The following PDE6C variants were observed in gnomAD, a reference collection of about 807,000 sequenced individuals.
PDE6C encodes phosphodiesterase 6C.
PDE6C carries 75 observed loss-of-function variants against 113.1 expected under a neutral mutation model. That is an observed-to-expected ratio of 0.66 (90% confidence interval 0.55 to 0.80). The LOEUF is 0.80. Ranked by LOEUF, PDE6C falls within the 30% of genes least tolerant of loss-of-function variation. PDE6C has a pLI of 0.00. For synonymous variants in PDE6C, 375 were observed against 363.7 expected (o/e 1.03, Z -0.35); for missense variants, 912 against 1,038.6 (o/e 0.88, Z 1.67).
At position 93,613,045 on chromosome 10, in the gene PDE6C, T is replaced by C. The variant is rs764217729; in HGVS notation, c.320T>C (p.Ile107Thr). The change falls in exon 1 of 22, where the codon ATA (isoleucine) becomes ACA (threonine). Residue 107 changes from isoleucine (I) to threonine (T), a missense_variant. Ile to Thr is a moderately conservative substitution (Grantham distance 89). Transcript: ENST00000371447. ...SMFLCRSRNG[I>T]PEVASRLLDV... ...TTCCTGTGCCGGTCCCGGAACGGCA[T>C]ACCTGAGGTGGCCTCTAGGTTGCTG... 13 of 1,614,082 alleles carry C rather than the reference T, an allele frequency of 8.1e-6. No homozygotes were observed. The South Asian group carries it at 9.9e-5, about 12-fold the overall frequency.
At chr10:93,645,652 GTTTT>G (rs1414648984) in intron 14 of PDE6C, among the ~76,000 whole-genome samples, 1 of 151,986 alleles carries the variant, frequency 6.6e-6, no homozygotes, top group African/African-American at 2.4e-5. Context: ...TTTGCTATAT[GTTTT>G]ATAAGTCATA....
At position 93,640,983 on chromosome 10, in the gene PDE6C, T is replaced by C; in HGVS notation, c.1801T>C (p.Cys601Arg). The change falls in exon 14 of 22, where the codon TGC becomes CGC. Residue 601 changes from cysteine to arginine, a missense_variant. Transcript: ENST00000371447. ...EAFAMLAAAF[C>R]HDIDHRGTNN... is the part of the protein sequence containing the mutation. ...CTTTGCCATGCTTGCTGCTGCTTTC[T>C]GCCATGATATTGACCACAGAGGCAC... The C allele has an allele frequency of 1.2e-6, 2 of 1,613,202 alleles. No homozygotes were observed. The highest frequency in any genetic ancestry group is 1.7e-6 in the Non-Finnish European group (2 of 1,179,172).
At chr10:93,642,320 C>T (rs569419942) in intron 14 of PDE6C, among the ~76,000 whole-genome samples, 108 of 152,072 alleles carry the variant, frequency 7.1e-4, no homozygotes, top group African/African-American at 2.4e-3. Context: ...GCTGAGGTCA[C>T]GCCACTGCAC....
At chr10:93,642,003 TG>T (rs560669722) in intron 14 of PDE6C, among the ~76,000 whole-genome samples, 18 of 152,334 alleles carry the variant, frequency 1.2e-4, no homozygotes, top group African/African-American at 4.1e-4. Flanking sequence ...ATAAGGTTGT[TG>T]TAAAGATTAA....
At chr10:93,658,186 A>AG (rs1303648749) in intron 16 of PDE6C, among the ~76,000 whole-genome samples, 4 of 144,872 alleles carry the variant, frequency 2.8e-5, no homozygotes, top group African/African-American at 5.2e-5. Flanking sequence ...AAAAAAAAAA[A>AG]AAAAAAGAAA....
rs1195896139 is a variant in PDE6C, at chr10:93,645,304, T to A, written c.1848-656T>A. On this transcript the variant is annotated intron_variant, in intron 14 of 21. Coordinates refer to ENST00000371447, the MANE Select transcript of PDE6C (RefSeq NM_006204.4). ...GGCAATGACCTCTCCCAGCCTAAAGTTTTGTTCTCCATGAAATAAATAAAG... is the reference window on the plus strand; with the variant it reads ...GGCAATGACCTCTCCCAGCCTAAAGATTTGTTCTCCATGAAATAAATAAAG... Among the ~76,000 whole-genome samples, 4 of 152,308 alleles carry A rather than the reference T, an allele frequency of 2.6e-5. No homozygotes were observed. The East Asian group carries it at 7.7e-4, about 29-fold the overall frequency.
intron 14 of PDE6C, among the ~76,000 whole-genome samples, chr10:93,642,506 A>G (rs1055805077): frequency 2.0e-5 from 3 of 150,122 alleles, no homozygotes; most frequent in Non-Finnish European, 4.5e-5. Context: ...TATCTGCCTT[A>G]GCCACACTTC....
chr10:93,663,689 A>ACG (rs2058677092), intron 21 of PDE6C, among the ~76,000 whole-genome samples: 1 of 125,130 alleles, frequency 8.0e-6, no homozygotes, highest in African/African-American at 2.8e-5. Context: ...CAAATGTCTC[A>ACG]TTGGGAGATG....
intron 7 of PDE6C, among the ~76,000 whole-genome samples, chr10:93,628,100 C>T (rs7080650): frequency 0.16 from 23,896 of 152,126 alleles, 2,770 homozygotes; most frequent in African/African-American, 0.33. Context: ...TGGAAATTGG[C>T]AACTGATACA....
chr10:93,618,388 A>G lies in PDE6C; in HGVS notation c.481-2244A>G, dbSNP rs1564795429. On this transcript the variant is annotated intron_variant, in intron 1 of 21. Coordinates refer to ENST00000371447, the MANE Select transcript of PDE6C (RefSeq NM_006204.4). ...ATTACCCCTATTTTCAGATTACAAAACGAGGACACAGAAGGTAAGTAACAC... is the reference window on the plus strand; with the variant it reads ...ATTACCCCTATTTTCAGATTACAAAGCGAGGACACAGAAGGTAAGTAACAC... Among the ~76,000 whole-genome samples the G allele has an allele frequency of 6.6e-5, 10 of 152,246 alleles. No homozygotes were observed. In the South Asian group the frequency reaches 1.9e-3, roughly 29 times the overall value.
At chr10:93,639,973 T>C in intron 11 of PDE6C, 97 bp from the exon 12 acceptor site, 1 of 1,240,324 alleles carries the variant, frequency 8.1e-7, no homozygotes, top group South Asian at 1.2e-5. Flanking sequence ...ATTGTGTTCT[T>C]TTATTGTAAT....
At chr10:93,664,242 T>C (rs2058679851) in intron 21 of PDE6C, among the ~76,000 whole-genome samples, 1 of 152,210 alleles carries the variant, frequency 6.6e-6, no homozygotes, top group South Asian at 2.1e-4. Flanking sequence ...AAGAAGGCAC[T>C]AGTGTGCACA....
chr10:93,659,007 A>C lies in PDE6C; in HGVS notation c.2143A>C (p.Met715Leu). 1 of 1,583,476 alleles carries C rather than the reference A, an allele frequency of 6.3e-7. No homozygotes were observed. The highest frequency in any genetic ancestry group is 8.7e-7 in the Non-Finnish European group (1 of 1,152,282). Residue 715 changes from methionine (M) to leucine (L), a missense_variant and splice_region_variant, in exon 17 of 22, where the codon ATG becomes CTG. Transcript: ENST00000371447. ...TVDPTKKEII[M>L]AMMMTACDLS... is the part of the protein sequence containing the mutation. ...TGATCCAACCAAGAAAGAGATTATC[A>C]TGTAGGTAGTTGAAATTGTATTTCT...
At chr10:93,616,125 G>C (rs570308292) in intron 1 of PDE6C, among the ~76,000 whole-genome samples, 4 of 152,326 alleles carry the variant, frequency 2.6e-5, no homozygotes, top group Admixed American at 1.3e-4. Context: ...TCTGACAAGG[G>C]TCATATTTTT....
Position 93,640,424 on chromosome 10 carries a change from G to A in PDE6C, c.1630-26G>A, listed in dbSNP as rs774914165. On this transcript the variant is annotated intron_variant, in intron 12 of 21. Coordinates refer to ENST00000371447, the MANE Select transcript of PDE6C (RefSeq NM_006204.4). ...CTAACCTTTAGAATTCTATTCCAAA[G>A]TCTGAATGGTGTCATCTTCTTTTAG... 1.1e-5 allele frequency: 17 copies of A among 1,538,348 alleles called. No individual in the cohort carries two copies. In the East Asian group the frequency reaches 3.1e-4, roughly 28 times the overall value.
At chr10:93,640,257 G>A (rs779354504) in intron 12 of PDE6C, 41 bp downstream of exon 12, 3 of 1,574,740 alleles carry the variant, frequency 1.9e-6, no homozygotes, top group Non-Finnish European at 2.6e-6. Flanking sequence ...TGATTCTGTG[G>A]CTCTGCTTCA....
intron 15 of PDE6C, among the ~76,000 whole-genome samples, chr10:93,654,214 C>A (rs1326719213): frequency 6.6e-6 from 1 of 152,172 alleles, no homozygotes; most frequent in Non-Finnish European, 1.5e-5. Flanking sequence ...TGTTATTATG[C>A]CCATATGAGA....
chr10:93,643,127 G>A (rs1018636535), intron 14 of PDE6C, among the ~76,000 whole-genome samples: 12 of 152,144 alleles, frequency 7.9e-5, no homozygotes, highest in Non-Finnish European at 1.3e-4. Flanking sequence ...CATATAGGAG[G>A]TACTAGTATC....
At chr10:93,628,615 AT>A (rs748983976) in intron 7 of PDE6C, among the ~76,000 whole-genome samples, 4 of 152,118 alleles carry the variant, frequency 2.6e-5, no homozygotes, top group Non-Finnish European at 5.9e-5. Context: ...ATCAAATAAA[AT>A]GCTATGATTT....
Sources: allele counts gnomAD v4.1 joint callset (sites outside exome capture counted in the v4.1 genomes callset), GRCh38; gene constraint gnomAD v4.1.1; transcripts MANE v1.5; gene names NCBI Gene and HGNC (gene_info 2026-07-23, HGNC 2026-07-21).